Variants in TEN1 observed in about 807,000 individuals in gnomAD.
TEN1 encodes the protein CST complex subunit TEN1.
TEN1 carries 6 observed loss-of-function variants against 9.3 expected under a neutral mutation model. The observed-to-expected ratio is 0.65, with a 90% CI of 0.35 to 1.27. The LOEUF (loss-of-function observed/expected upper bound fraction) is 1.27. TEN1 is among the 50% of genes most tolerant of loss of function. TEN1 has a pLI of 0.03. For missense variants in TEN1, 149 were observed against 158.2 expected, an observed-to-expected ratio of 0.94 and a Z score of 0.31; for synonymous variants, 65 against 65.6, an observed-to-expected ratio of 0.99 and a Z score of 0.04.
At chr17:75,988,295 T>G (rs2066164534) in intron 2 of TEN1, among the ~76,000 whole-genome samples, 1 of 150,544 alleles carries the variant, frequency 6.6e-6, no homozygotes, top group Non-Finnish European at 1.5e-5. Context: ...GTGTGGAGGC[T>G]TACACCTGTG....
chr17:75,992,824 A>T (rs1225414805), intron 3 of TEN1, among the ~76,000 whole-genome samples: 2 of 118,478 alleles, frequency 1.7e-5, no homozygotes, highest in African/African-American at 3.3e-5. Context: ...TTTTTTAGAC[A>T]GTGCCTTGCT....
rs2066248766 is a variant in TEN1, at chr17:76,000,515, G to GTGCTTGGGCGCCGGGGCCA, written c.*260_*261insGCGCCGGGGCCATGCTTGG. ...GTGGCCGAGCTTGGGCGCCGGGGCC[G>GTGCTTGGGCGCCGGGGCCA]TGCTTGGTGTGGGGCCATGGAGGGT... On this transcript the variant is annotated 3_prime_UTR_variant, in exon 4 of 4. Transcript: ENST00000397640. The surrounding 1 kb of genome is among the most constrained non-coding windows in gnomAD (Gnocchi z 5.9). The GTGCTTGGGCGCCGGGGCCA allele has an allele frequency of 5.8e-6, 3 of 519,258 alleles. No individual in the cohort carries two copies. In the African/African-American group the frequency reaches 5.8e-5, roughly 10 times the overall value. The allele number at this position is 519,258 out of a possible 1,614,324, so 32.2% of individuals were successfully genotyped here. A position where few individuals can be genotyped will look rare whatever the true frequency, so the allele number is the denominator to read the frequency against.
At chr17:75,992,168 A>G (rs2066189981) in intron 3 of TEN1, among the ~76,000 whole-genome samples, 1 of 151,968 alleles carries the variant, frequency 6.6e-6, no homozygotes, top group South Asian at 2.1e-4. Context: ...GCCTGATGTG[A>G]GGCAGCTTGC....
chr17:75,991,217 A>G (rs1285839707), intron 2 of TEN1, among the ~76,000 whole-genome samples: 3 of 152,118 alleles, frequency 2.0e-5, no homozygotes, highest in Non-Finnish European at 2.9e-5. Flanking sequence ...AACAAAATTA[A>G]AAGCTTCTGC....
At chr17:75,982,845 G>C (rs1171408245) in intron 1 of TEN1, among the ~76,000 whole-genome samples, 1 of 151,600 alleles carries the variant, frequency 6.6e-6, no homozygotes, top group Non-Finnish European at 1.5e-5. Flanking sequence ...CCTGTAGCTG[G>C]GATTACAGGC....
chr17:75,993,475 A>T (rs2066199859), intron 3 of TEN1, among the ~76,000 whole-genome samples: 1 of 152,204 alleles, frequency 6.6e-6, no homozygotes, highest in East Asian at 1.9e-4. Context: ...TCATCACTTT[A>T]AAAGCCCTGA....
At chr17:75,992,046 CAA>C (rs11309442) in intron 3 of TEN1, among the ~76,000 whole-genome samples, 31 of 54,182 alleles carry the variant, frequency 5.7e-4, no homozygotes, top group African/African-American at 1.3e-3. Context: ...GACTCCGTCT[CAA>C]AAAAAAAAAA....
At chr17:75,995,087 G>A (rs1472917423) in intron 3 of TEN1, among the ~76,000 whole-genome samples, 1 of 152,062 alleles carries the variant, frequency 6.6e-6, no homozygotes, top group Admixed American at 6.6e-5. Flanking sequence ...CAGGTGTGGT[G>A]GCACAGGCTT....
chr17:76,000,071 G>T lies in TEN1; in HGVS notation c.251-70G>T. ...GACTGAGCTGTGGAGGGAACAGCTG[G>T]AATGCACCTTGGAGGACGTTGTTGA... On this transcript the variant is annotated intron_variant, in intron 3 of 3. Transcript: ENST00000397640. This position sits in a 1 kb window ranked among gnomAD's most constrained non-coding sequence, Gnocchi z 5.9. 3 of 1,522,042 alleles carry T rather than the reference G, an allele frequency of 2.0e-6. 1 individual carries two copies. The highest frequency in any genetic ancestry group is 3.7e-4 in the Middle Eastern group (2 of 5,454). 94.3% of individuals were successfully genotyped at this position (1,522,042 alleles called of 1,614,324 possible). A position where few individuals can be genotyped will look rare whatever the true frequency, so the allele number is the denominator to read the frequency against.
intron 3 of TEN1, among the ~76,000 whole-genome samples, chr17:75,998,598 T>G (rs558775046): frequency 2.1e-3 from 314 of 152,352 alleles, no homozygotes; most frequent in Non-Finnish European, 3.4e-3. Context: ...CAGGCTGTGC[T>G]ATAAATGACC....
At chr17:75,999,810 G>A (rs575743645) in intron 3 of TEN1, among the ~76,000 whole-genome samples, 1 of 152,198 alleles carries the variant, frequency 6.6e-6, no homozygotes, top group East Asian at 1.9e-4. Context: ...CTTACCGGGA[G>A]CTCAGTCTCT....
At position 76,000,340 on chromosome 17, in the gene TEN1, G is replaced by A. The variant is rs933280497; in HGVS notation, c.*78G>A. On this transcript the variant is annotated 3_prime_UTR_variant, in exon 4 of 4. Coordinates refer to ENST00000397640, the MANE Select transcript of TEN1 (RefSeq NM_001113324.3). This position sits in a 1 kb window ranked among gnomAD's most constrained non-coding sequence, Gnocchi z 5.9. ...AGCTGCAGGAGCCCGGGAGAGCACA[G>A]ACGCCTCCCCAGCGACGGCCTTGTC... The A allele has an allele frequency of 4.7e-6, 7 of 1,474,520 alleles. No individual in the cohort carries two copies. Among genetic ancestry groups the A allele is most frequent in the Non-Finnish European group, 5.4e-6 (6 of 1,106,190 alleles). The allele number at this position is 1,474,520 out of a possible 1,614,324, so 91.3% of individuals were successfully genotyped here.
Position 75,986,297 on chromosome 17 carries a change from A to T in TEN1, c.92+13A>T, listed in dbSNP as rs1411036192. On this transcript the variant is annotated intron_variant, in intron 2 of 3. Coordinates refer to ENST00000397640, the MANE Select transcript of TEN1 (RefSeq NM_001113324.3). ...GAACATTTGGCAGGTGAGAACGGTT[A>T]TTTTTTTCACTGGTGGGGGTGATGA... The T allele has an allele frequency of 6.5e-7, 1 of 1,541,292 alleles. No individual in the cohort carries two copies.
chr17:75,980,641 TCTCGAATTCCTGAC>T (rs2144337304), intron 1 of TEN1, among the ~76,000 whole-genome samples: 1 of 152,266 alleles, frequency 6.6e-6, no homozygotes, highest in African/African-American at 2.4e-5. Flanking sequence ...GCCAGGCTGG[TCTCGAATTCCTGAC>T]CTGTTGATCC....
In TEN1 at chr17:76,000,081, TG is replaced by T; in HGVS notation, c.251-58del. 1 of 1,531,972 alleles carries T rather than the reference TG, an allele frequency of 6.5e-7. No individual in the cohort carries two copies. Among genetic ancestry groups the T allele is most frequent in the Non-Finnish European group, 8.8e-7 (1 of 1,134,256 alleles). 94.9% of individuals were successfully genotyped at this position (1,531,972 alleles called of 1,614,324 possible). ...TGGAGGGAACAGCTGGAATGCACCT[TG>T]GAGGACGTTGTTGACACGCCGCTCA... On this transcript the variant is annotated intron_variant, in intron 3 of 3. Transcript: ENST00000397640. The surrounding 1 kb of genome is among the most constrained non-coding windows in gnomAD (Gnocchi z 5.9).
chr17:75,983,258 C>G (rs2066133433), intron 1 of TEN1, among the ~76,000 whole-genome samples: 1 of 151,914 alleles, frequency 6.6e-6, no homozygotes, highest in South Asian at 2.1e-4. Flanking sequence ...TCCAGCCTGG[C>G]AGACAGAGCG....
At chr17:75,988,352 G>T (rs1159436747) in intron 2 of TEN1, among the ~76,000 whole-genome samples, 3 of 151,662 alleles carry the variant, frequency 2.0e-5, no homozygotes. Flanking sequence ...CTTGAGTCCA[G>T]GAGTTTGAGA....
chr17:75,979,902 G>A (rs2066103484), intron 1 of TEN1, among the ~76,000 whole-genome samples: 1 of 151,534 alleles, frequency 6.6e-6, no homozygotes, highest in Non-Finnish European at 1.5e-5. Flanking sequence ...AGACCAAGCG[G>A]GCGGTGCTGC....
chr17:75,994,786 A>G (rs1182743785), intron 3 of TEN1, among the ~76,000 whole-genome samples: 1 of 152,060 alleles, frequency 6.6e-6, no homozygotes, highest in African/African-American at 2.4e-5. Context: ...TGTCTTGATT[A>G]TCTAAGTCAT....
Sources: gnomAD v4.1 joint callset for allele counts (sites outside exome capture counted in the v4.1 genomes callset) on GRCh38, gnomAD v4.1.1 for gene constraint, Gnocchi (gnomAD v3.1) non-coding constraint, MANE v1.5 for transcripts, NCBI Gene and HGNC (gene_info 2026-07-23, HGNC 2026-07-21) for gene names.